Variants in DGKE observed in about 807,000 individuals in gnomAD.
The protein encoded by DGKE is diacylglycerol kinase epsilon.
Under a neutral mutation model 70.0 loss-of-function variants are expected in DGKE, and 53 were observed. The ratio of observed to expected loss-of-function variants is 0.76; its 90% CI spans 0.61 to 0.95. The LOEUF is 0.95. Among genes scored for constraint, DGKE ranks in the 40% least tolerant of loss-of-function variants. The pLI is 0.00. For synonymous variants in DGKE, 291 were observed against 257.0 expected (o/e 1.13, Z -1.27); for missense variants, 655 against 706.9 (o/e 0.93, Z 0.83).
intron 7 of DGKE, among the ~76,000 whole-genome samples, chr17:56,852,401 A>T (rs1907706503): frequency 7.7e-6 from 1 of 130,646 alleles, no homozygotes; most frequent in Non-Finnish European, 1.6e-5. Flanking sequence ...CGACAGAGCA[A>T]GACTCTGTCT....
chr17:56,858,785 T>C, intron 9 of DGKE, 120 bp downstream of exon 9: 1 of 683,912 alleles, frequency 1.5e-6, no homozygotes, highest in South Asian at 2.2e-5. Context: ...AGAGTATTTA[T>C]TTGTGTGCCA....
At chr17:56,852,396 G>A (rs1907706135) in intron 7 of DGKE, among the ~76,000 whole-genome samples, 1 of 139,712 alleles carries the variant, frequency 7.2e-6, no homozygotes, top group African/African-American at 2.6e-5. Context: ...CTGGGCGACA[G>A]AGCAAGACTC....
At chr17:56,835,615 T>G (rs1434484178) in intron 2 of DGKE, 3 of 372,790 alleles carry the variant, frequency 8.0e-6, no homozygotes, top group Non-Finnish European at 1.4e-5. Flanking sequence ...AAATGAAATA[T>G]GGACAAATTA....
chr17:56,846,062 C>T (rs1907266972), intron 4 of DGKE: 1 of 243,216 alleles, frequency 4.1e-6, no homozygotes, highest in African/African-American at 2.3e-5. Flanking sequence ...AAGTCCTCTA[C>T]TAGGAATCTA....
intron 9 of DGKE, among the ~76,000 whole-genome samples, chr17:56,859,794 ATTAAT>A (rs1598048017): frequency 6.6e-6 from 1 of 152,366 alleles, no homozygotes; most frequent in East Asian, 1.9e-4. Flanking sequence ...CAACAGAGAC[ATTAAT>A]TCAGAGAAAC....
In DGKE at chr17:56,863,794, AG is replaced by A; in HGVS notation, c.*1004del. On this transcript the variant is annotated 3_prime_UTR_variant, in exon 12 of 12. Coordinates refer to ENST00000284061, the MANE Select transcript of DGKE (RefSeq NM_003647.3). The stretch of plus-strand genomic sequence containing the variant: ...TTTATATCATATTTATTTTAAAATG[AG>A]AGAGATATATTTTTAAATTATTTAT... 6.6e-6 allele frequency: 1 copy of A among 152,298 alleles called. No homozygotes were observed. The highest frequency in any genetic ancestry group is 2.1e-4 in the South Asian group (1 of 4,826). The allele number at this position is 152,298 out of a possible 1,614,324, so 9.4% of individuals were successfully genotyped here.
Position 56,862,840 on chromosome 17 carries a change from A to T in DGKE, c.*49A>T. The stretch of plus-strand genomic sequence containing the variant: ...GCATAGAATCCTCACGCAAGTAGAT[A>T]CATGTTCATCCAAAAGTATTAATAG... On this transcript the variant is annotated 3_prime_UTR_variant, in exon 12 of 12. Transcript: ENST00000284061. 7.2e-7 allele frequency: 1 copy of T among 1,393,920 alleles called. No homozygotes were observed. 86.3% of individuals were successfully genotyped at this position (1,393,920 alleles called of 1,614,324 possible).
chr17:56,838,969 A>G (rs1391719874), intron 2 of DGKE, among the ~76,000 whole-genome samples: 1 of 152,208 alleles, frequency 6.6e-6, no homozygotes, highest in Non-Finnish European at 1.5e-5. Context: ...ATGTACTAAA[A>G]ATAAGATGAA....
chr17:56,862,402 G>A, intron 11 of DGKE, 151 bp downstream of exon 11: 2 of 883,348 alleles, frequency 2.3e-6, no homozygotes, highest in South Asian at 1.9e-5. Context: ...GTGGGATGAG[G>A]AAGAAACAGA....
chr17:56,840,987 C>T (rs774719656), intron 2 of DGKE, among the ~76,000 whole-genome samples: 1 of 151,988 alleles, frequency 6.6e-6, no homozygotes, highest in African/African-American at 2.4e-5. Context: ...GACTCGGTGG[C>T]TCACACCTGT....
intron 2 of DGKE, chr17:56,835,913 A>C (rs1281609201): frequency 6.6e-6 from 1 of 152,270 alleles, no homozygotes; most frequent in East Asian, 1.9e-4. Context: ...ATATTGTTTG[A>C]AAATAGGTGA....
intron 7 of DGKE, among the ~76,000 whole-genome samples, chr17:56,851,517 A>G (rs1373434946): frequency 1.3e-5 from 2 of 152,232 alleles, no homozygotes; most frequent in East Asian, 3.8e-4. Context: ...CAAAAGGACC[A>G]GATTTTTGCA....
In DGKE at chr17:56,867,563, A is replaced by T. The variant is rs1447422933; in HGVS notation, c.*4772A>T. 2 of 151,646 alleles carry T rather than the reference A, an allele frequency of 1.3e-5. No individual in the cohort carries two copies. Among genetic ancestry groups the T allele is most frequent in the African/African-American group, 4.9e-5 (2 of 41,092 alleles). 9.4% of individuals were successfully genotyped at this position (151,646 alleles called of 1,614,324 possible). A position where few individuals can be genotyped will look rare whatever the true frequency, so the allele number is the denominator to read the frequency against. ...GCTTGCAGTGAGCGGAGATCACATG[A>T]CTGCACTCCAGCCTGGGCAACAGAG... On this transcript the variant is annotated 3_prime_UTR_variant, in exon 12 of 12. Coordinates refer to ENST00000284061, the MANE Select transcript of DGKE (RefSeq NM_003647.3).
At position 56,865,633 on chromosome 17, in the gene DGKE, T is replaced by C. The variant is rs769150826; in HGVS notation, c.*2842T>C. 2.6e-5 allele frequency: 4 copies of C among 152,170 alleles called. No homozygotes were observed. The highest frequency in any genetic ancestry group is 4.4e-5 in the Non-Finnish European group (3 of 68,012). The allele number at this position is 152,170 out of a possible 1,614,324, so 9.4% of individuals were successfully genotyped here. On this transcript the variant is annotated 3_prime_UTR_variant, in exon 12 of 12. Coordinates refer to ENST00000284061, the MANE Select transcript of DGKE (RefSeq NM_003647.3). Reference sequence around the variant, plus strand: ...TATACAAATTTTATAATCAAAATTATTTATTTTTATTTTTTTAGAGTATGT... The same window carrying C: ...TATACAAATTTTATAATCAAAATTACTTATTTTTATTTTTTTAGAGTATGT...
chr17:56,858,177 CA>C (rs1567822466), intron 8 of DGKE, among the ~76,000 whole-genome samples: 1 of 151,782 alleles, frequency 6.6e-6, no homozygotes, highest in Admixed American at 6.6e-5. Flanking sequence ...TGTCATCTTC[CA>C]AAAAAGAAGG....
At chr17:56,857,794 G>A (rs946436204) in intron 8 of DGKE, among the ~76,000 whole-genome samples, 7 of 151,926 alleles carry the variant, frequency 4.6e-5, no homozygotes, top group African/African-American at 1.7e-4. Flanking sequence ...TCACTTCTAG[G>A]CCGCGCATGG....
chr17:56,834,875 T>C lies in DGKE; in HGVS notation c.80T>C (p.Leu27Pro). 1 of 1,613,258 alleles carries C rather than the reference T, an allele frequency of 6.2e-7. No individual in the cohort carries two copies. The highest frequency in any genetic ancestry group is 8.5e-7 in the Non-Finnish European group (1 of 1,179,748). Reference sequence around the variant, plus strand: ...GACGGGCACCTGATCTTGTGGACGCTGTGCTCGGTCCTGCTGCCGGTGTTC... The same window carrying C: ...GACGGGCACCTGATCTTGTGGACGCCGTGCTCGGTCCTGCTGCCGGTGTTC... ...FADGHLILWT[L>P]CSVLLPVFIT... The change falls in exon 2 of 12, where the codon CTG becomes CCG. Residue 27 changes from leucine to proline, a missense_variant. Transcript: ENST00000284061.
chr17:56,852,423 AAATC>A (rs907930695), intron 7 of DGKE, among the ~76,000 whole-genome samples: 4 of 151,842 alleles, frequency 2.6e-5, no homozygotes, highest in South Asian at 2.1e-4. Context: ...AAAAAAAAAA[AAATC>A]AAGAAGTAAT....
chr17:56,862,105 A>G, intron 10 of DGKE, 35 bp from the exon 11 acceptor site: 1 of 1,604,580 alleles, frequency 6.2e-7, no homozygotes, highest in Non-Finnish European at 8.5e-7. Flanking sequence ...TTTTTATTGC[A>G]TCATATAATC....
Sources: allele counts gnomAD v4.1 joint callset (sites outside exome capture counted in the v4.1 genomes callset), GRCh38; gene constraint gnomAD v4.1.1; transcripts MANE v1.5; gene names NCBI Gene and HGNC (gene_info 2026-07-23, HGNC 2026-07-21).